The following DPH6 variants were observed in gnomAD, a reference collection of about 807,000 sequenced individuals.
The protein encoded by DPH6 is diphthine--ammonia ligase.
In DPH6, 33 loss-of-function variants were observed where a neutral mutation model predicts 38.2. The ratio of observed to expected loss-of-function variants is 0.86; its 90% CI spans 0.65 to 1.15. DPH6 has a LOEUF of 1.15. DPH6 is among the 50% of genes most tolerant of loss of function. The pLI is 0.00. For synonymous variants in DPH6, 108 were observed against 103.0 expected, an observed-to-expected ratio of 1.05 and a Z score of -0.30; for missense variants, 325 against 320.0, an observed-to-expected ratio of 1.02 and a Z score of -0.12.
At chr15:35,274,566 C>A (rs757994735) in intron 3 of DPH6, among the ~76,000 whole-genome samples, 3 of 151,826 alleles carry the variant, frequency 2.0e-5, no homozygotes, top group Non-Finnish European at 2.9e-5. Flanking sequence ...AAAACCCAAT[C>A]AAAAAGTGGG....
chr15:35,455,146 T>C (rs1268922366), intron 3 of DPH6, among the ~76,000 whole-genome samples: 2 of 152,202 alleles, frequency 1.3e-5, no homozygotes, highest in Admixed American at 6.5e-5. Context: ...ATGGAAACTT[T>C]TGAGAAATTT....
intron 3 of DPH6, among the ~76,000 whole-genome samples, chr15:35,230,030 A>G (rs939616360): frequency 4.6e-5 from 7 of 152,186 alleles, no homozygotes; most frequent in Admixed American, 3.9e-4. Flanking sequence ...GCCTGCTGCA[A>G]CCACTCCCTG....
chr15:35,225,699 A>G (rs1280022702), intron 3 of DPH6, among the ~76,000 whole-genome samples: 1 of 152,204 alleles, frequency 6.6e-6, no homozygotes, highest in Admixed American at 6.5e-5. Context: ...CGTATTTTGA[A>G]ACAAAGATCC....
At chr15:35,426,273 T>G (rs1490733546) in intron 5 of DPH6, among the ~76,000 whole-genome samples, 3 of 151,838 alleles carry the variant, frequency 2.0e-5, no homozygotes, top group Admixed American at 6.6e-5. Flanking sequence ...AAATCACAAT[T>G]AACTCTACTT....
chr15:35,177,580 C>CAAAAA, the DPH6 span, among the ~76,000 whole-genome samples: 20 of 60,230 alleles, frequency 3.3e-4, no homozygotes, highest in East Asian at 9.6e-4. Context: ...ATCCCATCTC[C>CAAAAA]AAAAAAAAAA....
chr15:35,253,878 AT>A lies in DPH6; in HGVS notation n.201-33297del, dbSNP rs1392896757. ...AACAACAAATTGTCATTGGCATTCC[AT>A]TTATGAACCTTCAAACGGCATCAGA... On this transcript the variant is annotated intron_variant and non_coding_transcript_variant, in intron 3 of 3. Transcript: ENST00000560386. 2.6e-5 allele frequency among the ~76,000 whole-genome samples: 4 copies of A among 152,324 alleles called. No individual in the cohort carries two copies. The East Asian group carries it at 7.7e-4, about 29-fold the overall frequency.
At chr15:35,187,452 A>AT in the DPH6 span, among the ~76,000 whole-genome samples, 8 of 152,108 alleles carry the variant, frequency 5.3e-5, no homozygotes, top group South Asian at 1.0e-3. Context: ...AACTGAACAG[A>AT]TTTTTTTTAG....
intron 2 of DPH6, among the ~76,000 whole-genome samples, chr15:35,541,181 T>C (rs2055248008): frequency 6.6e-6 from 1 of 152,062 alleles, no homozygotes; most frequent in Non-Finnish European, 1.5e-5. Context: ...GACCTTTCCA[T>C]TTCTTCCTAT....
intron 3 of DPH6, among the ~76,000 whole-genome samples, chr15:35,249,337 A>G (rs2051656327): frequency 6.6e-6 from 1 of 152,262 alleles, no homozygotes; most frequent in Non-Finnish European, 1.5e-5. Flanking sequence ...AAAAATATTT[A>G]GATTGAAAAA....
At chr15:35,245,012 T>A (rs2051626360) in intron 3 of DPH6, among the ~76,000 whole-genome samples, 2 of 152,052 alleles carry the variant, frequency 1.3e-5, no homozygotes, top group South Asian at 4.1e-4. Context: ...TCATGAAAAA[T>A]GTAGACGAAA....
chr15:35,417,756 C>A (rs2053454531), intron 5 of DPH6, among the ~76,000 whole-genome samples: 1 of 152,020 alleles, frequency 6.6e-6, no homozygotes, highest in Admixed American at 6.6e-5. Context: ...ATTCCATTTT[C>A]AATTTCTAAG....
intron 3 of DPH6, among the ~76,000 whole-genome samples, chr15:35,497,539 T>C (rs1027687090): frequency 6.6e-6 from 1 of 152,098 alleles, no homozygotes; most frequent in Non-Finnish European, 1.5e-5. Flanking sequence ...TAGTCGGAAG[T>C]TGAGAAAGCA....
the DPH6 span, among the ~76,000 whole-genome samples, chr15:35,170,870 C>T: frequency 6.6e-6 from 1 of 152,194 alleles, no homozygotes; most frequent in Admixed American, 6.5e-5. Flanking sequence ...CTGATGAGCA[C>T]AAATGATGTT....
intron 3 of DPH6, among the ~76,000 whole-genome samples, chr15:35,228,615 C>T (rs754855308): frequency 3.2e-4 from 49 of 152,212 alleles, no homozygotes; most frequent in Admixed American, 6.5e-4. Context: ...TTTGTAGAGA[C>T]GGGGTTTCAG....
intron 3 of DPH6, among the ~76,000 whole-genome samples, chr15:35,513,815 C>A (rs1488000436): frequency 3.9e-5 from 6 of 152,036 alleles, no homozygotes; most frequent in East Asian, 1.9e-4. Flanking sequence ...AACATTATAA[C>A]ACTCGAATAT....
At chr15:35,523,593 T>C (rs1463236481) in intron 3 of DPH6, among the ~76,000 whole-genome samples, 1 of 152,044 alleles carries the variant, frequency 6.6e-6, no homozygotes. Context: ...TTTCCATAAA[T>C]GGAAAAACTT....
chr15:35,495,916 CTT>C (rs1260473015), intron 3 of DPH6, among the ~76,000 whole-genome samples: 1 of 152,128 alleles, frequency 6.6e-6, no homozygotes, highest in African/African-American at 2.4e-5. Context: ...TATATAGTAA[CTT>C]GATTTATGAC....
chr15:35,539,000 A>G (rs574385655), intron 2 of DPH6, among the ~76,000 whole-genome samples: 1 of 152,224 alleles, frequency 6.6e-6, no homozygotes, highest in East Asian at 1.9e-4. Flanking sequence ...ATAGATATAT[A>G]TTCAATATTG....
At chr15:35,504,803 T>A (rs762367242) in intron 3 of DPH6, among the ~76,000 whole-genome samples, 1 of 152,100 alleles carries the variant, frequency 6.6e-6, no homozygotes, top group Non-Finnish European at 1.5e-5. Context: ...GTTTAAATAT[T>A]AGTACAAGTA....
Sources: allele counts gnomAD v4.1 joint callset (sites outside exome capture counted in the v4.1 genomes callset), GRCh38; gene constraint gnomAD v4.1.1; transcripts MANE v1.5; gene names NCBI Gene and HGNC (gene_info 2026-07-23, HGNC 2026-07-21).